The following FAM131C variants were observed in gnomAD, a reference collection of about 807,000 sequenced individuals.
FAM131C encodes protein FAM131C.
In FAM131C, 14 loss-of-function variants were observed where a neutral mutation model predicts 29.8. That is an observed-to-expected ratio of 0.47 (90% CI 0.31 to 0.73). The LOEUF is 0.73. Among genes scored for constraint, FAM131C ranks in the 30% least tolerant of loss-of-function variants. The pLI, the probability that FAM131C is intolerant of heterozygous loss-of-function variation, is 0.05. For synonymous variants in FAM131C, 86 were observed against 157.8 expected (o/e 0.54, Z 3.41); for missense variants, 252 against 383.8 (o/e 0.66, Z 2.87).
At chr1:16,068,043 C>A (rs1313942962) in intron 1 of FAM131C, among the ~76,000 whole-genome samples, 1 of 152,196 alleles carries the variant, frequency 6.6e-6, no homozygotes, top group Non-Finnish European at 1.5e-5. Flanking sequence ...GGGGTCAAAG[C>A]GTCCCCTCAT....
intron 2 of FAM131C, among the ~76,000 whole-genome samples, chr1:16,062,867 T>G (rs61769895): frequency 0.083 from 8,147 of 98,280 alleles, 160 homozygotes; most frequent in African/African-American, 0.15. Context: ...TGGTGACAAT[T>G]TCATTCACCT....
In FAM131C at chr1:16,062,135, A is replaced by T. The variant is rs762728821; in HGVS notation, c.232T>A (p.Tyr78Asn). ...GAGGTGGCCAGGGCTGCCACGTTGT[A>T]GTTGCCGGGGCGGGATCTGGAGTCG... ...LSDSRSRPGN[Y>N]NVAALATSSL... The change falls in exon 4 of 7, where the codon TAC becomes AAC. Residue 78 changes from tyrosine (Y) to asparagine (N), a missense_variant. Around this residue, in one of 6 missense-constraint regions of FAM131C, gnomAD observed 52 missense variants for 105.9 expected, o/e 0.49. Transcript: ENST00000375662. 6.2e-7 allele frequency: 1 copy of T among 1,611,942 alleles called. No individual in the cohort carries two copies. Among genetic ancestry groups the T allele is most frequent in the South Asian group, 1.1e-5 (1 of 90,958 alleles).
chr1:16,066,123 G>T (rs986871322), intron 1 of FAM131C, among the ~76,000 whole-genome samples: 5 of 152,268 alleles, frequency 3.3e-5, no homozygotes, highest in African/African-American at 1.2e-4. Context: ...CTGACCTCAG[G>T]CGATCCGCCT....
chr1:16,062,661 T>G, intron 2 of FAM131C, 127 bp from the exon 3 acceptor site: 1 of 1,369,720 alleles, frequency 7.3e-7, no homozygotes, highest in South Asian at 1.5e-5. Flanking sequence ...GGTTGGGGTC[T>G]GCCCTCTCAT....
chr1:16,063,377 CAG>C, intron 2 of FAM131C, 142 bp downstream of exon 2: 1 of 648,528 alleles, frequency 1.5e-6, no homozygotes, highest in Non-Finnish European at 2.7e-6. Flanking sequence ...TGCTGAATAC[CAG>C]GCCTTAGGGC....
At chr1:16,068,904 G>T (rs2023716454) in intron 1 of FAM131C, among the ~76,000 whole-genome samples, 2 of 152,138 alleles carry the variant, frequency 1.3e-5, no homozygotes, top group African/African-American at 2.4e-5. Context: ...CCTCACCTGT[G>T]GTCCTAATGG....
intron 4 of FAM131C, among the ~76,000 whole-genome samples, chr1:16,061,005 G>T (rs1190109708): frequency 6.6e-6 from 1 of 152,160 alleles, no homozygotes; most frequent in African/African-American, 2.4e-5. Flanking sequence ...AGATGGAGAG[G>T]GGGCTGCCAG....
In FAM131C at chr1:16,059,859, C is replaced by T. The variant is rs1292221159; in HGVS notation, c.451+10G>A. ...CCACAGAGCCCTGGCCAGTCCCCCT[C>T]CTCGCTGACCTGCAGCAAAGCGGGC... On this transcript the variant is annotated intron_variant, in intron 5 of 6. Coordinates refer to ENST00000375662, the MANE Select transcript of FAM131C (RefSeq NM_182623.3). The T allele has an allele frequency of 8.6e-7, 1 of 1,157,676 alleles. No individual in the cohort carries two copies. The highest frequency in any genetic ancestry group is 1.1e-6 in the Non-Finnish European group (1 of 922,154). The allele number at this position is 1,157,676 out of a possible 1,614,324, so 71.7% of individuals were successfully genotyped here.
In FAM131C at chr1:16,071,079, C is replaced by T. The variant is rs145459592; in HGVS notation, c.22+2342G>A. 7.2e-5 allele frequency among the ~76,000 whole-genome samples: 11 copies of T among 152,356 alleles called. No homozygotes were observed. In the East Asian group the frequency reaches 2.1e-3, roughly 29 times the overall value. On this transcript the variant is annotated intron_variant, in intron 1 of 6. Coordinates refer to ENST00000375662, the MANE Select transcript of FAM131C (RefSeq NM_182623.3). Reference sequence around the variant, plus strand: ...GCCTTGGCCAAGGGTGGACGCACTCCCTCCACCCTTCCTTCTGTAGCAGTG... The same window carrying T: ...GCCTTGGCCAAGGGTGGACGCACTCTCTCCACCCTTCCTTCTGTAGCAGTG...
intron 2 of FAM131C, 113 bp downstream of exon 2, chr1:16,063,408 A>T (rs2023632726): frequency 2.5e-6 from 2 of 809,586 alleles, no homozygotes; most frequent in East Asian, 2.7e-5. Flanking sequence ...CCACAGGGAG[A>T]AGCGGGTTTG....
In FAM131C at chr1:16,062,491, G is replaced by A. The variant is rs1319660159; in HGVS notation, c.174+8C>T. On this transcript the variant is annotated splice_region_variant and intron_variant, in intron 3 of 6. Transcript: ENST00000375662. ...CCGGCTAGAATGGGGACACACAAGT[G>A]CACTGACCTGCCAAGGATCCCAACA... 2 of 1,582,352 alleles carry A rather than the reference G, an allele frequency of 1.3e-6. No homozygotes were observed. The highest frequency in any genetic ancestry group is 2.3e-5 in the South Asian group (2 of 86,820).
At chr1:16,067,452 C>T (rs930274254) in intron 1 of FAM131C, among the ~76,000 whole-genome samples, 7 of 152,196 alleles carry the variant, frequency 4.6e-5, no homozygotes, top group African/African-American at 1.7e-4. Context: ...TCAGTCCACA[C>T]CCTAGTCTCC....
intron 1 of FAM131C, among the ~76,000 whole-genome samples, chr1:16,068,670 T>A (rs905610832): frequency 8.5e-5 from 13 of 152,110 alleles, no homozygotes; most frequent in Admixed American, 2.0e-4. Context: ...AGCTCATCTG[T>A]GGGTTGGCTC....
At chr1:16,061,569 G>T (rs934290811) in intron 4 of FAM131C, among the ~76,000 whole-genome samples, 2 of 152,164 alleles carry the variant, frequency 1.3e-5, no homozygotes, top group African/African-American at 4.8e-5. Flanking sequence ...AGCAATGGGG[G>T]AATATAAAGT....
At position 16,059,596 on chromosome 1, in the gene FAM131C, C is replaced by T. The variant is rs770855922; in HGVS notation, c.460G>A (p.Glu154Lys). 1.6e-5 allele frequency: 25 copies of T among 1,596,864 alleles called. No homozygotes were observed. The highest frequency in any genetic ancestry group is 1.2e-4 in the South Asian group (11 of 89,896). The stretch of plus-strand genomic sequence containing the variant: ...GTGGCCTCTGTGATGGCAAACTGCT[C>T]GGCGACCCCTGGGGGAACAGCGAGA... ...REARFAAGVA[E>K]QFAITEATLS... is the part of the protein sequence containing the mutation. Residue 154 changes from glutamate (E) to lysine (K), a missense_variant, in exon 6 of 7, where the codon GAG becomes AAG. By Grantham distance (56) the Glu-to-Lys change is moderately conservative. Transcript: ENST00000375662.
intron 1 of FAM131C, among the ~76,000 whole-genome samples, chr1:16,066,280 A>G (rs2023682124): frequency 6.6e-6 from 1 of 152,216 alleles, no homozygotes; most frequent in Non-Finnish European, 1.5e-5. Context: ...CAGGTGGGCT[A>G]GTCAAGGAGG....
intron 4 of FAM131C, among the ~76,000 whole-genome samples, 191 bp downstream of exon 4, chr1:16,061,908 A>G (rs1356172911): frequency 6.6e-6 from 1 of 151,288 alleles, no homozygotes; most frequent in Non-Finnish European, 1.5e-5. Context: ...TAACCTGTGG[A>G]AGCAGAACCC....
intron 1 of FAM131C, among the ~76,000 whole-genome samples, chr1:16,068,901 T>C (rs914020061): frequency 2.6e-5 from 4 of 152,176 alleles, no homozygotes; most frequent in African/African-American, 9.7e-5. Flanking sequence ...GTACCTCACC[T>C]GTGGTCCTAA....
At chr1:16,070,143 G>A (rs953980590) in intron 1 of FAM131C, among the ~76,000 whole-genome samples, 2 of 152,138 alleles carry the variant, frequency 1.3e-5, no homozygotes, top group African/African-American at 4.8e-5. Flanking sequence ...TTCAAGTCCT[G>A]CCTCTCCATG....
Sources: allele counts gnomAD v4.1 joint callset (sites outside exome capture counted in the v4.1 genomes callset), GRCh38; gene constraint gnomAD v4.1.1; regional missense constraint gnomAD v4.1.1; transcripts MANE v1.5; gene names NCBI Gene and HGNC (gene_info 2026-07-23, HGNC 2026-07-21).